The following MID2 variants were observed in gnomAD, a reference collection of about 807,000 sequenced individuals.
The protein encoded by MID2 is midline 2, also known as probable E3 ubiquitin-protein ligase MID2.
A neutral mutation model predicts 46.1 loss-of-function variants in MID2; 13 were observed. The observed-to-expected ratio is 0.28, with a 90% CI of 0.18 to 0.45. MID2 has a LOEUF of 0.45. Ranked by LOEUF, MID2 falls within the 20% of genes least tolerant of loss-of-function variation. The pLI is 1.00. For missense variants in MID2, 431 were observed against 575.4 expected (o/e 0.75, Z 2.57); for synonymous variants, 199 against 212.3 (o/e 0.94, Z 0.55).
At chrX:107,903,213 T>A (rs1932808411) in intron 3 of MID2, among the ~76,000 whole-genome samples, 1 of 111,328 alleles carries the variant, frequency 9.0e-6, no homozygotes, top group East Asian at 2.8e-4. Context: ...AGCCCCAAAA[T>A]CCCCTGCTCT....
At chrX:107,926,022 C>G in intron 8 of MID2, 72 bp from the exon 9 acceptor site, 1 of 792,657 alleles carries the variant, frequency 1.3e-6, no homozygotes, top group Non-Finnish European at 1.9e-6. Flanking sequence ...AGTGATGATG[C>G]TGGTGGAAAA....
chrX:107,896,955 G>GTTTT (rs1932751069), intron 3 of MID2, among the ~76,000 whole-genome samples: 1 of 111,271 alleles, frequency 9.0e-6, no homozygotes, highest in Non-Finnish European at 1.9e-5. Context: ...TGTTTTCTCG[G>GTTTT]TTTCTTCTAT....
At chrX:107,868,191 T>C (rs764808845) in intron 3 of MID2, among the ~76,000 whole-genome samples, 16 of 111,583 alleles carry the variant, frequency 1.4e-4, no homozygotes, top group African/African-American at 4.9e-4. Context: ...AGAGAGTAAC[T>C]GAAGCCTTAG....
rs1933219557 is a variant in MID2 at position 107,928,188 on chromosome X, A to G, written c.*1115A>G. Reference sequence around the variant, plus strand: ...TATTATTGATGCACCAACTATTCCCATATAAATGTACTTGCTTTTTCAGAT... The same window carrying G: ...TATTATTGATGCACCAACTATTCCCGTATAAATGTACTTGCTTTTTCAGAT... On this transcript the variant is annotated 3_prime_UTR_variant, in exon 10 of 10. Transcript: ENST00000262843. Among the ~76,000 whole-genome samples, 1 of 112,201 alleles carries G rather than the reference A, an allele frequency of 8.9e-6. No individual in the cohort carries two copies. Among genetic ancestry groups the G allele is most frequent in the Non-Finnish European group, 1.9e-5 (1 of 53,237 alleles).
At chrX:107,922,069 T>C (rs774438020) in intron 7 of MID2, among the ~76,000 whole-genome samples, 4 of 111,956 alleles carry the variant, frequency 3.6e-5, no homozygotes, top group Non-Finnish European at 7.5e-5. Context: ...TATATGTGCA[T>C]ATTTATGTGC....
chrX:107,902,559 G>A lies in MID2; in HGVS notation c.817-1399G>A, dbSNP rs887636976. Among the ~76,000 whole-genome samples the A allele has an allele frequency of 6.4e-4, 71 of 111,278 alleles. 3 individuals are homozygous for A. Among genetic ancestry groups the A allele is most frequent in the Non-Finnish European group, 1.3e-4 (7 of 53,011 alleles). On this transcript the variant is annotated intron_variant, in intron 3 of 9. Coordinates refer to ENST00000262843, the MANE Select transcript of MID2 (RefSeq NM_012216.4). ...AAGCCCCAGTTGTGACATTGCCCTA[G>A]AAAATGGAAAAAAGCAACATAAGAT...
intron 1 of MID2, among the ~76,000 whole-genome samples, chrX:107,826,673 G>T (rs1930955894): frequency 8.8e-6 from 1 of 113,109 alleles, no homozygotes; most frequent in African/African-American, 3.2e-5. Context: ...CTCCTGGGAC[G>T]GAGTTTGCAC....
intron 3 of MID2, among the ~76,000 whole-genome samples, chrX:107,873,786 A>G (rs998602037): frequency 9.0e-5 from 10 of 111,280 alleles, no homozygotes; most frequent in Non-Finnish European, 1.7e-4. Context: ...GCCACTTCAC[A>G]TGTGAGAAAA....
intron 1 of MID2, among the ~76,000 whole-genome samples, chrX:107,838,759 T>C (rs1195714833): frequency 8.9e-6 from 1 of 111,860 alleles, no homozygotes; most frequent in African/African-American, 3.3e-5. Flanking sequence ...CAAGCTCTGA[T>C]GAGAGTCTCC....
At chrX:107,870,453 G>A (rs1405833850) in intron 3 of MID2, among the ~76,000 whole-genome samples, 1 of 110,684 alleles carries the variant, frequency 9.0e-6, no homozygotes, top group African/African-American at 3.3e-5. Context: ...TAGGCCTGGA[G>A]CCTTAAAAAA....
At chrX:107,912,997 G>A (rs1932913427) in intron 5 of MID2, among the ~76,000 whole-genome samples, 1 of 110,405 alleles carries the variant, frequency 9.1e-6, no homozygotes, top group African/African-American at 3.3e-5. Flanking sequence ...CCAAGGCCTT[G>A]AGAGACTGCA....
At chrX:107,897,449 C>A (rs1569469055) in intron 3 of MID2, among the ~76,000 whole-genome samples, 1 of 112,015 alleles carries the variant, frequency 8.9e-6, no homozygotes, top group African/African-American at 3.2e-5. Context: ...TAAGTGACCA[C>A]CCTCCCTCAA....
chrX:107,882,679 C>CCAGTTA (rs1223757865), intron 3 of MID2, among the ~76,000 whole-genome samples: 1 of 111,646 alleles, frequency 9.0e-6, no homozygotes, highest in East Asian at 2.8e-4. Context: ...GTTAGAATGG[C>CCAGTTA]GATCATTAAA....
At chrX:107,907,928 A>T (rs949926733) in intron 5 of MID2, among the ~76,000 whole-genome samples, 1 of 111,980 alleles carries the variant, frequency 8.9e-6, no homozygotes, top group Non-Finnish European at 1.9e-5. Context: ...AAGCCTTCAT[A>T]AGTATTAACT....
chrX:107,881,863 A>G (rs7883542), intron 3 of MID2, among the ~76,000 whole-genome samples: 19,621 of 111,906 alleles, frequency 0.18, 1,665 homozygotes, highest in African/African-American at 0.32. Context: ...TATTTTATTC[A>G]CTGTGATTAT....
At chrX:107,865,143 A>G (rs953312475) in intron 3 of MID2, among the ~76,000 whole-genome samples, 4 of 112,039 alleles carry the variant, frequency 3.6e-5, no homozygotes, top group Non-Finnish European at 7.5e-5. Context: ...CTTAATGACT[A>G]TGCTGTATTA....
At chrX:107,847,067 A>ATTATTATTTTATT (rs1242807747) in intron 2 of MID2, among the ~76,000 whole-genome samples, 1 of 112,612 alleles carries the variant, frequency 8.9e-6, no homozygotes, top group Non-Finnish European at 1.9e-5. Flanking sequence ...AAAGGTTGAT[A>ATTATTATTTTATT]TAATGAGGTA....
In MID2 at chrX:107,840,902, C is replaced by G. The variant is rs1931326264; in HGVS notation, c.237C>G (p.Cys79Trp). 8.3e-7 allele frequency: 1 copy of G among 1,209,273 alleles called. No homozygotes were observed. The change falls in exon 2 of 10, where the codon TGC becomes TGG. Residue 79 changes from cysteine to tryptophan, a missense_variant. Cys to Trp is a radical substitution (Grantham distance 215). Transcript: ENST00000262843. ...EPITAFQCPT[C>W]RYVISLNHRG... ...TTACTGCTTTCCAGTGTCCTACCTGCAGGTATGTTATCTCGCTGAACCACC... is the reference window on the plus strand; with the variant it reads ...TTACTGCTTTCCAGTGTCCTACCTGGAGGTATGTTATCTCGCTGAACCACC...
rs187570559 is a variant in MID2, at chrX:107,905,555, C to T, written c.1002C>T (p.Asn334=). Residue 334 remains asparagine (N), a synonymous_variant, in exon 5 of 10, where the codon AAC becomes AAT. Transcript: ENST00000262843. ...QCLERSTVLI[N]QAEHILKEND... ...TTGAACGGTCAACAGTCCTCATCAA[C>T]CAAGCTGAGCATATCCTGAAAGAAA... 509 of 1,206,435 alleles carry T rather than the reference C, an allele frequency of 4.2e-4. 1 individual carries two copies. Among genetic ancestry groups the T allele is most frequent in the Non-Finnish European group, 1.0e-4 (91 of 892,891 alleles).
Sources: gnomAD v4.1 joint callset for allele counts (sites outside exome capture counted in the v4.1 genomes callset) on GRCh38, gnomAD v4.1.1 for gene constraint, MANE v1.5 for transcripts, NCBI Gene and HGNC (gene_info 2026-07-23, HGNC 2026-07-21) for gene names.